The following NTRK3 variants were observed in gnomAD, a reference collection of about 807,000 sequenced individuals.
NTRK3 encodes neurotrophic receptor tyrosine kinase 3.
Under a neutral mutation model 91.7 loss-of-function variants are expected in NTRK3, and 24 were observed. That is an observed-to-expected ratio of 0.26 (90% CI 0.19 to 0.37). The LOEUF is 0.37. Among genes scored for constraint, NTRK3 ranks in the 10% least tolerant of loss-of-function variants. NTRK3 has a pLI of 1.00. For synonymous variants in NTRK3, 483 were observed against 404.0 expected, an observed-to-expected ratio of 1.20 and a Z score of -2.34; for missense variants, 880 against 1,068.9, an observed-to-expected ratio of 0.82 and a Z score of 2.46.
chr15:88,086,391 C>G (rs2048500691), intron 13 of NTRK3, among the ~76,000 whole-genome samples: 1 of 151,888 alleles, frequency 6.6e-6, no homozygotes, highest in Non-Finnish European at 1.5e-5. Flanking sequence ...AAGGACCTAC[C>G]ATGAGCAAAA....
At chr15:87,944,599 C>T (rs2070242719) in intron 14 of NTRK3, among the ~76,000 whole-genome samples, 1 of 152,186 alleles carries the variant, frequency 6.6e-6, no homozygotes, top group Non-Finnish European at 1.5e-5. Context: ...CCTTAGGCTG[C>T]CTTCGCTCTG....
At chr15:88,218,184 C>T (rs925818551) in intron 3 of NTRK3, among the ~76,000 whole-genome samples, 2 of 152,178 alleles carry the variant, frequency 1.3e-5, no homozygotes, top group African/African-American at 4.8e-5. Context: ...CAGATTCTCT[C>T]GTCTGTGAAA....
intron 17 of NTRK3, 113 bp downstream of exon 18, chr15:87,885,581 C>T: frequency 3.6e-6 from 2 of 562,000 alleles, no homozygotes; most frequent in Non-Finnish European, 3.0e-6. Flanking sequence ...CTAGAGAGTC[C>T]AGAGGCAGAC....
At chr15:87,902,522 T>C (rs748636937) in intron 17 of NTRK3, among the ~76,000 whole-genome samples, 5 of 152,066 alleles carry the variant, frequency 3.3e-5, no homozygotes, top group Non-Finnish European at 4.4e-5. Flanking sequence ...AGAATGATGA[T>C]GAAATTATGG....
intron 13 of NTRK3, among the ~76,000 whole-genome samples, chr15:88,043,838 T>C (rs572912383): frequency 9.2e-5 from 14 of 152,276 alleles, no homozygotes; most frequent in African/African-American, 3.1e-4. Context: ...TGGGGTCTTA[T>C]AGGCACTGGC....
intron 14 of NTRK3, among the ~76,000 whole-genome samples, chr15:87,960,881 C>T (rs897143067): frequency 2.6e-5 from 4 of 152,264 alleles, no homozygotes; most frequent in East Asian, 3.9e-4. Flanking sequence ...GTAGTCTAAG[C>T]GGCGTGCCAT....
At chr15:87,951,521 G>T (rs1410922583) in intron 14 of NTRK3, among the ~76,000 whole-genome samples, 1 of 152,180 alleles carries the variant, frequency 6.6e-6, no homozygotes, top group African/African-American at 2.4e-5. Flanking sequence ...CAGAAGAAAA[G>T]CTTGCTGGCC....
chr15:87,958,412 A>T (rs1240059324), intron 14 of NTRK3, among the ~76,000 whole-genome samples: 1 of 152,088 alleles, frequency 6.6e-6, no homozygotes, highest in African/African-American at 2.4e-5. Context: ...GAAATCCAGC[A>T]TCGTTGTCCA....
intron 3 of NTRK3, among the ~76,000 whole-genome samples, chr15:88,231,345 C>G (rs2051162356): frequency 6.6e-6 from 1 of 152,062 alleles, no homozygotes; most frequent in Non-Finnish European, 1.5e-5. Flanking sequence ...CCATCCAGAG[C>G]TATTGTAGTT....
chr15:87,934,272 AC>A (rs1314449049), intron 15 of NTRK3, among the ~76,000 whole-genome samples: 1 of 152,228 alleles, frequency 6.6e-6, no homozygotes, highest in Non-Finnish European at 1.5e-5. Flanking sequence ...ATGGGGCCCA[AC>A]ATTGAGTTGT....
At chr15:88,209,290 G>A (rs566569865) in intron 3 of NTRK3, among the ~76,000 whole-genome samples, 37 of 152,258 alleles carry the variant, frequency 2.4e-4, no homozygotes, top group Middle Eastern at 3.4e-3. Flanking sequence ...GCCAGCTGTC[G>A]GGGTCCTAAA....
chr15:87,885,646 G>C, intron 17 of NTRK3, 48 bp downstream of exon 18: 1 of 995,286 alleles, frequency 1.0e-6, no homozygotes, highest in Non-Finnish European at 1.5e-6. Flanking sequence ...TAATTAAAGT[G>C]TTGGGACAAT....
At chr15:88,032,390 G>C (rs1407631681) in intron 14 of NTRK3, among the ~76,000 whole-genome samples, 1 of 152,108 alleles carries the variant, frequency 6.6e-6, no homozygotes, top group Non-Finnish European at 1.5e-5. Flanking sequence ...ACACTTCGGG[G>C]CACTGGAGGG....
At chr15:87,861,398 C>T (rs1162192171) in exon 19 of NTRK3, 1 of 209,680 alleles carries the variant, frequency 4.8e-6, no homozygotes, top group African/African-American at 2.3e-5. Flanking sequence ...CATGTAATGT[C>T]CAGTAGGAAA....
intron 13 of NTRK3, among the ~76,000 whole-genome samples, chr15:88,109,348 A>G (rs988234333): frequency 2.6e-5 from 4 of 152,086 alleles, no homozygotes; most frequent in African/African-American, 7.2e-5. Context: ...CCTCACCCCA[A>G]CCTCACCAAC....
chr15:88,179,410 C>T (rs540010976), intron 5 of NTRK3, among the ~76,000 whole-genome samples: 2 of 152,312 alleles, frequency 1.3e-5, no homozygotes, highest in East Asian at 3.9e-4. Context: ...GGCCTATCTT[C>T]CGTGCTGTAA....
At chr15:88,183,019 C>G (rs987932491) in intron 5 of NTRK3, among the ~76,000 whole-genome samples, 2 of 137,322 alleles carry the variant, frequency 1.5e-5, no homozygotes, top group Non-Finnish European at 3.2e-5. Context: ...GCAACCCCCC[C>G]CCGCCCCCCG....
intron 17 of NTRK3, chr15:87,927,617 C>G (rs554418753): frequency 5.3e-5 from 8 of 152,128 alleles, no homozygotes; most frequent in African/African-American, 1.4e-4. Context: ...GGACGTGAGG[C>G]CTTTGGGAAG....
chr15:87,911,434 C>T (rs1296210417), intron 17 of NTRK3, among the ~76,000 whole-genome samples: 3 of 152,142 alleles, frequency 2.0e-5, no homozygotes, highest in Non-Finnish European at 2.9e-5. Flanking sequence ...CCAGCACAGG[C>T]ATCTGTATAA....
Sources: allele counts gnomAD v4.1 joint callset (sites outside exome capture counted in the v4.1 genomes callset), GRCh38; gene constraint gnomAD v4.1.1; transcripts MANE v1.5; gene names NCBI Gene and HGNC (gene_info 2026-07-23, HGNC 2026-07-21).